TAFA1: variants seen among roughly 807,000 people sequenced by gnomAD.
TAFA1 encodes the protein TAFA chemokine like family member 1, also known as chemokine-like protein TAFA-1.
Under a neutral mutation model 18.5 loss-of-function variants are expected in TAFA1, and 4 were observed. The observed-to-expected ratio is 0.22, with a 90% CI of 0.11 to 0.49. TAFA1 has a LOEUF of 0.49. TAFA1 is among the 20% of genes least tolerant of loss of function. The pLI, the probability that TAFA1 is intolerant of heterozygous loss-of-function variation, is 0.98. For synonymous variants in TAFA1, 56 were observed against 55.2 expected (o/e 1.01, Z -0.06); for missense variants, 147 against 169.0 (o/e 0.87, Z 0.72).
intron 2 of TAFA1, among the ~76,000 whole-genome samples, chr3:68,254,063 ATCTGTCTGTCTG>A (rs1010819914): frequency 6.6e-6 from 1 of 151,874 alleles, no homozygotes; most frequent in Non-Finnish European, 1.5e-5. Context: ...GTTTCTGTCT[ATCTGTCTGTCTG>A]TCTGTCTGCC....
intron 3 of TAFA1, among the ~76,000 whole-genome samples, chr3:68,494,374 C>T (rs892462217): frequency 6.6e-5 from 10 of 152,208 alleles, no homozygotes; most frequent in South Asian, 2.1e-4. Context: ...CAAGAACTGT[C>T]TGGTTCCTAG....
At chr3:68,192,122 T>C (rs933308649) in intron 2 of TAFA1, among the ~76,000 whole-genome samples, 1 of 151,796 alleles carries the variant, frequency 6.6e-6, no homozygotes, top group African/African-American at 2.4e-5. Context: ...TTCGCTCTAG[T>C]CCAACAACTA....
At chr3:68,016,341 C>A (rs1433415785) in intron 2 of TAFA1, among the ~76,000 whole-genome samples, 1 of 152,076 alleles carries the variant, frequency 6.6e-6, no homozygotes, top group East Asian at 1.9e-4. Flanking sequence ...TTTACCGTAC[C>A]TTTTCTAGGT....
intron 2 of TAFA1, among the ~76,000 whole-genome samples, chr3:68,286,373 C>A (rs978730566): frequency 6.6e-6 from 1 of 152,048 alleles, no homozygotes; most frequent in Non-Finnish European, 1.5e-5. Context: ...GAGACAGGAG[C>A]TCCTCACTGA....
intron 2 of TAFA1, among the ~76,000 whole-genome samples, chr3:68,312,723 C>T (rs757720627): frequency 1.3e-5 from 2 of 152,176 alleles, no homozygotes; most frequent in Non-Finnish European, 2.9e-5. Context: ...TATTCTGAAA[C>T]CTCTAAACTG....
chr3:68,385,532 A>G (rs1256249970), intron 2 of TAFA1, among the ~76,000 whole-genome samples: 6 of 152,120 alleles, frequency 3.9e-5, no homozygotes, highest in South Asian at 2.1e-4. Flanking sequence ...TTAAAAGGAT[A>G]CACTATTCGT....
At chr3:68,194,464 G>T (rs765255981) in intron 2 of TAFA1, among the ~76,000 whole-genome samples, 2 of 151,620 alleles carry the variant, frequency 1.3e-5, no homozygotes, top group Non-Finnish European at 3.0e-5. Flanking sequence ...TATGCTGATG[G>T]GATATCTGAT....
chr3:68,022,943 A>G (rs1378711576), intron 2 of TAFA1, among the ~76,000 whole-genome samples: 2 of 146,346 alleles, frequency 1.4e-5, no homozygotes, highest in East Asian at 4.0e-4. Flanking sequence ...CCTTATATTT[A>G]CCACTGTGAG....
At chr3:68,144,592 T>G (rs2065713775) in intron 2 of TAFA1, among the ~76,000 whole-genome samples, 1 of 152,244 alleles carries the variant, frequency 6.6e-6, no homozygotes, top group Admixed American at 6.5e-5. Context: ...AGCAAATGTT[T>G]GTTTCCCCAT....
At chr3:68,094,463 G>T (rs1343718590) in intron 2 of TAFA1, among the ~76,000 whole-genome samples, 2 of 152,094 alleles carry the variant, frequency 1.3e-5, no homozygotes, top group Non-Finnish European at 2.9e-5. Context: ...TTAAATGAAG[G>T]AATAAAAGAA....
At chr3:68,029,015 A>G (rs1704876423) in intron 2 of TAFA1, among the ~76,000 whole-genome samples, 1 of 151,996 alleles carries the variant, frequency 6.6e-6, no homozygotes, top group African/African-American at 2.4e-5. Flanking sequence ...GGTTTCTCAA[A>G]GTGCTGGGAT....
intron 2 of TAFA1, among the ~76,000 whole-genome samples, chr3:68,408,497 A>C (rs2070653971): frequency 6.6e-6 from 1 of 152,186 alleles, no homozygotes; most frequent in Non-Finnish European, 1.5e-5. Context: ...TATCCACATA[A>C]TGGATATTCA....
intron 2 of TAFA1, among the ~76,000 whole-genome samples, chr3:68,046,194 A>G (rs1249289549): frequency 1.3e-5 from 2 of 152,190 alleles, no homozygotes; most frequent in Non-Finnish European, 1.5e-5. Context: ...AAACAAATCC[A>G]TATTTTTATT....
intron 3 of TAFA1, among the ~76,000 whole-genome samples, chr3:68,431,339 C>T (rs562578889): frequency 1.3e-5 from 2 of 152,092 alleles, no homozygotes; most frequent in African/African-American, 2.4e-5. Context: ...TTACCTATTG[C>T]CCTTAGCAGC....
chr3:68,461,485 G>T (rs981928841), intron 3 of TAFA1, among the ~76,000 whole-genome samples: 2 of 150,616 alleles, frequency 1.3e-5, no homozygotes, highest in South Asian at 4.2e-4. Context: ...GTTCTCAGCC[G>T]CTCTGGCTGT....
intron 2 of TAFA1, among the ~76,000 whole-genome samples, chr3:68,195,017 T>A (rs960597200): frequency 6.6e-6 from 1 of 151,632 alleles, no homozygotes; most frequent in Non-Finnish European, 1.5e-5. Flanking sequence ...AGTGGATATA[T>A]CCCTTACATG....
chr3:68,008,922 G>A (rs776850481), intron 2 of TAFA1, among the ~76,000 whole-genome samples: 29 of 152,132 alleles, frequency 1.9e-4, no homozygotes, highest in Non-Finnish European at 3.1e-4. Context: ...TATGGTGGTT[G>A]GGGGCGGGGA....
intron 2 of TAFA1, among the ~76,000 whole-genome samples, chr3:68,218,235 G>T (rs2066684219): frequency 1.3e-5 from 2 of 152,052 alleles, no homozygotes. Context: ...GTTGATTTCA[G>T]ATTTTTTTCT....
At chr3:68,478,924 A>G (rs1559686245) in intron 3 of TAFA1, among the ~76,000 whole-genome samples, 1 of 149,856 alleles carries the variant, frequency 6.7e-6, no homozygotes, top group African/African-American at 2.4e-5. Context: ...GTGTATATAT[A>G]TATATATACA....
Sources: gnomAD v4.1 joint callset for allele counts (sites outside exome capture counted in the v4.1 genomes callset) on GRCh38, gnomAD v4.1.1 for gene constraint, MANE v1.5 for transcripts, NCBI Gene and HGNC (gene_info 2026-07-23, HGNC 2026-07-21) for gene names.